The following CXCL9 variants were observed in gnomAD, a reference collection of about 807,000 sequenced individuals.
CXCL9 encodes the protein C-X-C motif chemokine 9.
CXCL9 carries 8 observed loss-of-function variants against 11.7 expected under a neutral mutation model. The ratio of observed to expected loss-of-function variants is 0.68; its 90% CI spans 0.40 to 1.23. The LOEUF is 1.23. Ranked by LOEUF, CXCL9 falls within the 50% of genes most tolerant of loss-of-function variation. The pLI is 0.01. For missense variants in CXCL9, 133 were observed against 141.7 expected, an observed-to-expected ratio of 0.94 and a Z score of 0.31; for synonymous variants, 43 against 48.2, an observed-to-expected ratio of 0.89 and a Z score of 0.45.
Position 76,006,147 on chromosome 4 carries a change from C to T in CXCL9, c.191+1G>A, listed in dbSNP as rs1731581259. On this transcript the variant is annotated splice_donor_variant, in intron 2 of 3. Transcript: ENST00000264888. LOFTEE classifies it high-confidence loss of function. ...TGCATGTTAGCTGGGTTGTTACTTACATGATTTCAATTTTCTCGCAGGAAG... is the reference window on the plus strand; with the variant it reads ...TGCATGTTAGCTGGGTTGTTACTTATATGATTTCAATTTTCTCGCAGGAAG... 6.2e-7 allele frequency: 1 copy of T among 1,612,794 alleles called. No individual in the cohort carries two copies. Among genetic ancestry groups the T allele is most frequent in the Non-Finnish European group, 8.5e-7 (1 of 1,179,044 alleles).
Position 76,003,532 on chromosome 4 carries a change from G to T in CXCL9, c.*66C>A. ...TTGTATTATATGCCATCCTCCTTTG[G>T]AATGATAGCGGTATAATTAAAATAG... On this transcript the variant is annotated 3_prime_UTR_variant, in exon 4 of 4. Coordinates refer to ENST00000264888, the MANE Select transcript of CXCL9 (RefSeq NM_002416.3). 1 of 909,574 alleles carries T rather than the reference G, an allele frequency of 1.1e-6. No individual in the cohort carries two copies. The highest frequency in any genetic ancestry group is 1.8e-6 in the Non-Finnish European group (1 of 562,240). The allele number at this position is 909,574 out of a possible 1,614,324, so 56.3% of individuals were successfully genotyped here.
rs138591576 is a variant in CXCL9, at chr4:76,004,482, G to A, written c.276+327C>T. On this transcript the variant is annotated intron_variant, in intron 3 of 3. Coordinates refer to ENST00000264888, the MANE Select transcript of CXCL9 (RefSeq NM_002416.3). ...TTCTCACATTGTACCATAATTATTAGCATATGCACTACAACAGGAAGGGAC... is the reference window on the plus strand; with the variant it reads ...TTCTCACATTGTACCATAATTATTAACATATGCACTACAACAGGAAGGGAC... Among the ~76,000 whole-genome samples, 230 of 152,172 alleles carry A rather than the reference G, an allele frequency of 1.5e-3. 3 individuals are homozygous for A. Among genetic ancestry groups the A allele is most frequent in the African/African-American group, 5.1e-3 (212 of 41,508 alleles).
In CXCL9 at chr4:76,001,898, C is replaced by T. The variant is rs1411841453; in HGVS notation, c.*1700G>A. On this transcript the variant is annotated 3_prime_UTR_variant, in exon 4 of 4. Transcript: ENST00000264888. ...CTGGCCACAGACAACCTCTCCTACA[C>T]AATTCACTGAACCTCCCCTGGAAGG... 1 of 181,426 alleles carries T rather than the reference C, an allele frequency of 5.5e-6. No homozygotes were observed. The highest frequency in any genetic ancestry group is 1.1e-5 in the Non-Finnish European group (1 of 87,678). The allele number at this position is 181,426 out of a possible 1,614,324, so 11.2% of individuals were successfully genotyped here.
chr4:76,001,884 C>G lies in CXCL9; in HGVS notation c.*1714G>C. 5.7e-6 allele frequency: 1 copy of G among 176,846 alleles called. No homozygotes were observed. The highest frequency in any genetic ancestry group is 2.0e-4 in the South Asian group (1 of 4,988). 11.0% of individuals were successfully genotyped at this position (176,846 alleles called of 1,614,324 possible). On this transcript the variant is annotated 3_prime_UTR_variant, in exon 4 of 4. Transcript: ENST00000264888. ...TATAGGTTTAAATTCTGGCCACAGA[C>G]AACCTCTCCTACACAATTCACTGAA...
chr4:76,005,049 T>C, intron 2 of CXCL9, 156 bp from the exon 3 acceptor site: 1 of 1,180,442 alleles, frequency 8.5e-7, no homozygotes, highest in Non-Finnish European at 1.1e-6. Flanking sequence ...GTTGAATTTT[T>C]TTTTTTTTCT....
At chr4:76,006,299 A>G (rs1384893278) in intron 1 of CXCL9, 25 bp from the exon 2 acceptor site, 1 of 1,610,576 alleles carries the variant, frequency 6.2e-7, no homozygotes, top group South Asian at 1.1e-5. Flanking sequence ...AAGATAGAAC[A>G]CATCAGTATA....
chr4:76,001,511 A>G lies in CXCL9; in HGVS notation c.*2087T>C. On this transcript the variant is annotated 3_prime_UTR_variant, in exon 4 of 4. Coordinates refer to ENST00000264888, the MANE Select transcript of CXCL9 (RefSeq NM_002416.3). ...TTATTGATACCATTCTATTTTAACAAAGAAAATATTTCAAATTACAAGGTA... is the reference window on the plus strand; with the variant it reads ...TTATTGATACCATTCTATTTTAACAGAGAAAATATTTCAAATTACAAGGTA... 1 of 152,254 alleles carries G rather than the reference A, an allele frequency of 6.6e-6. No homozygotes were observed. Among genetic ancestry groups the G allele is most frequent in the Non-Finnish European group, 1.5e-5 (1 of 68,046 alleles). 9.4% of individuals were successfully genotyped at this position (152,254 alleles called of 1,614,324 possible). A position where few individuals can be genotyped will look rare whatever the true frequency, so the allele number is the denominator to read the frequency against.
At position 76,006,174 on chromosome 4, in the gene CXCL9, G is replaced by C. The variant is rs770234658; in HGVS notation, c.165C>G (p.Ser55Arg). The change falls in exon 2 of 4, where the codon AGC becomes AGG. Residue 55 changes from serine (S) to arginine (R), a missense_variant. Physicochemically the swap from Ser to Arg is moderately radical, Grantham distance 110. Transcript: ENST00000264888. Reference protein sequence around the residue: ...SLKDLKQFAPSPSCEKIEIIA... With the variant: ...SLKDLKQFAPRPSCEKIEIIA... The stretch of plus-strand genomic sequence containing the variant: ...TGATTTCAATTTTCTCGCAGGAAGG[G>C]CTTGGGGCAAATTGTTTAAGGTCTT... The C allele has an allele frequency of 4.3e-6, 7 of 1,613,540 alleles. No individual in the cohort carries two copies. In the South Asian group the frequency reaches 6.6e-5, roughly 15 times the overall value.
At position 76,003,542 on chromosome 4, in the gene CXCL9, G is replaced by T. The variant is rs1371434378; in HGVS notation, c.*56C>A. 1 of 964,460 alleles carries T rather than the reference G, an allele frequency of 1.0e-6. No individual in the cohort carries two copies. Among genetic ancestry groups the T allele is most frequent in the South Asian group, 1.4e-5 (1 of 72,228 alleles). 59.7% of individuals were successfully genotyped at this position (964,460 alleles called of 1,614,324 possible). A position where few individuals can be genotyped will look rare whatever the true frequency, so the allele number is the denominator to read the frequency against. On this transcript the variant is annotated 3_prime_UTR_variant, in exon 4 of 4. Transcript: ENST00000264888. ...TGCCATCCTCCTTTGGAATGATAGCGGTATAATTAAAATAGAACATTTTTA... is the reference window on the plus strand; with the variant it reads ...TGCCATCCTCCTTTGGAATGATAGCTGTATAATTAAAATAGAACATTTTTA...
At position 76,004,919 on chromosome 4, in the gene CXCL9, G is replaced by C. The variant is rs1009690233; in HGVS notation, c.192-26C>G. 3.3e-6 allele frequency: 5 copies of C among 1,509,728 alleles called. No individual in the cohort carries two copies. The African/African-American group carries it at 7.1e-5, about 21-fold the overall frequency. 93.5% of individuals were successfully genotyped at this position (1,509,728 alleles called of 1,614,324 possible). ...CTGCCAAAGAAATAGCAATGAGATA[G>C]TTTTTTCTCATTAATAATTTAAATG... On this transcript the variant is annotated intron_variant, in intron 2 of 3. Transcript: ENST00000264888.
rs776514039 is a variant in CXCL9, at chr4:76,007,404, C to T, written c.46G>A (p.Val16Ile). 6.3e-7 allele frequency: 1 copy of T among 1,599,656 alleles called. No homozygotes were observed. Among genetic ancestry groups the T allele is most frequent in the East Asian group, 2.2e-5 (1 of 44,794 alleles). Residue 16 changes from valine to isoleucine, a missense_variant, in exon 1 of 4, where the codon GTT (valine) becomes ATT (isoleucine). By Grantham distance (29) the Val-to-Ile change is conservative. Coordinates refer to ENST00000264888, the MANE Select transcript of CXCL9 (RefSeq NM_002416.3). ...CCCTTACCTTGCACTCCAATCAGAA[C>T]CAGCAAGATGATGCCCAAGAGGAAA... ...VLFLLGIILL[V>I]LIGVQGTPVV...
Position 76,002,061 on chromosome 4 carries a change from C to G in CXCL9, c.*1537G>C, listed in dbSNP as rs191438271. 1 of 367,630 alleles carries G rather than the reference C, an allele frequency of 2.7e-6. No individual in the cohort carries two copies. Among genetic ancestry groups the G allele is most frequent in the Admixed American group, 4.6e-5 (1 of 21,718 alleles). The allele number at this position is 367,630 out of a possible 1,614,324, so 22.8% of individuals were successfully genotyped here. ...GGTGTGGTAATTGATAATCACAATA[C>G]AAACTCTGAAACAAGTAAACGGACA... is the stretch of plus-strand genomic sequence containing the variant. On this transcript the variant is annotated 3_prime_UTR_variant, in exon 4 of 4. Coordinates refer to ENST00000264888, the MANE Select transcript of CXCL9 (RefSeq NM_002416.3).
chr4:76,004,875 T>A lies in CXCL9; in HGVS notation c.210A>T (p.Gly70=). ...AATCTGGGTTTAGACATGTTTGAAC[T>A]CCATTCTTCAGTGTAGCACTGCCAA... is the stretch of plus-strand genomic sequence containing the variant. The part of the protein sequence containing the change: ...KIEIIATLKN[G]VQTCLNPDSA... The change falls in exon 3 of 4, where the codon GGA becomes GGT. Residue 70 remains glycine, a synonymous_variant. Coordinates refer to ENST00000264888, the MANE Select transcript of CXCL9 (RefSeq NM_002416.3). 6.2e-7 allele frequency: 1 copy of A among 1,606,030 alleles called. No homozygotes were observed. The highest frequency in any genetic ancestry group is 8.5e-7 in the Non-Finnish European group (1 of 1,177,082).
rs539969400 is a variant in CXCL9, at chr4:76,005,110, G to A, written c.192-217C>T. On this transcript the variant is annotated intron_variant, in intron 2 of 3. Transcript: ENST00000264888. The stretch of plus-strand genomic sequence containing the variant: ...TTGCCAGGCTGGAGTACAGTGGTGC[G>A]ATCTCAGCTTGCTGCAACTTCCAAC... The A allele has an allele frequency of 2.6e-4, 153 of 599,932 alleles. 1 individual carries two copies. The African/African-American group carries it at 2.8e-3, about 11-fold the overall frequency. 37.2% of individuals were successfully genotyped at this position (599,932 alleles called of 1,614,324 possible).
rs535584232 is a variant in CXCL9 at position 76,003,425 on chromosome 4, T to C, written c.*173A>G. 12 of 565,218 alleles carry C rather than the reference T, an allele frequency of 2.1e-5. No individual in the cohort carries two copies. Among genetic ancestry groups the C allele is most frequent in the African/African-American group, 1.3e-4 (7 of 52,312 alleles). 35.0% of individuals were successfully genotyped at this position (565,218 alleles called of 1,614,324 possible). ...CATAGCCTTTAACAATTCTTAACGT[T>C]TGGATTCTTAAAATCAACTTTCTAA... On this transcript the variant is annotated 3_prime_UTR_variant, in exon 4 of 4. Coordinates refer to ENST00000264888, the MANE Select transcript of CXCL9 (RefSeq NM_002416.3).
chr4:76,002,046 T>C lies in CXCL9; in HGVS notation c.*1552A>G, dbSNP rs2149341160. 2.9e-6 allele frequency: 1 copy of C among 349,726 alleles called. No homozygotes were observed. Among genetic ancestry groups the C allele is most frequent in the Non-Finnish European group, 5.1e-6 (1 of 195,888 alleles). The allele number at this position is 349,726 out of a possible 1,614,324, so 21.7% of individuals were successfully genotyped here. A position where few individuals can be genotyped will look rare whatever the true frequency, so the allele number is the denominator to read the frequency against. On this transcript the variant is annotated 3_prime_UTR_variant, in exon 4 of 4. Coordinates refer to ENST00000264888, the MANE Select transcript of CXCL9 (RefSeq NM_002416.3). ...TTCTTCATGGGAGATGGTGTGGTAATTGATAATCACAATACAAACTCTGAA... is the reference window on the plus strand; with the variant it reads ...TTCTTCATGGGAGATGGTGTGGTAACTGATAATCACAATACAAACTCTGAA...
In CXCL9 at chr4:76,001,428, T is replaced by C. The variant is rs1237122768; in HGVS notation, c.*2170A>G. On this transcript the variant is annotated 3_prime_UTR_variant, in exon 4 of 4. Coordinates refer to ENST00000264888, the MANE Select transcript of CXCL9 (RefSeq NM_002416.3). ...AGATTTACTATTAAACATTCAACAG[T>C]TGAAGGGTACATTCAAGAGAAAAAA... The C allele has an allele frequency of 6.6e-6, 1 of 152,186 alleles. No homozygotes were observed. Among genetic ancestry groups the C allele is most frequent in the Non-Finnish European group, 1.5e-5 (1 of 68,028 alleles). 9.4% of individuals were successfully genotyped at this position (152,186 alleles called of 1,614,324 possible). A position where few individuals can be genotyped will look rare whatever the true frequency, so the allele number is the denominator to read the frequency against.
rs1731569415 is a variant in CXCL9, at chr4:76,005,581, C to T, written c.191+567G>A. The T allele has an allele frequency of 2.6e-5, 4 of 151,886 alleles. No individual in the cohort carries two copies. In the South Asian group the frequency reaches 8.3e-4, roughly 32 times the overall value. 9.4% of individuals were successfully genotyped at this position (151,886 alleles called of 1,614,324 possible). On this transcript the variant is annotated intron_variant, in intron 2 of 3. Transcript: ENST00000264888. Reference sequence around the variant, plus strand: ...AAAATTTGGAAATAATCTATATTTCCAACAATAATCCTGGTCATATAAATT... The same window carrying T: ...AAAATTTGGAAATAATCTATATTTCTAACAATAATCCTGGTCATATAAATT...
At chr4:76,007,338 A>C (rs1228641283) in intron 1 of CXCL9, 48 bp downstream of exon 1, 3 of 992,910 alleles carry the variant, frequency 3.0e-6, no homozygotes, top group Non-Finnish European at 4.9e-6. Context: ...AGATTCTTTT[A>C]CAGTGAATCA....
Sources: gnomAD v4.1 joint callset for allele counts (sites outside exome capture counted in the v4.1 genomes callset) on GRCh38, gnomAD v4.1.1 for gene constraint, MANE v1.5 for transcripts, NCBI Gene and HGNC (gene_info 2026-07-23, HGNC 2026-07-21) for gene names.